The following TRIM37 variants were observed in gnomAD, a reference collection of about 807,000 sequenced individuals.
TRIM37 encodes the protein tripartite motif containing 37.
TRIM37 carries 80 observed loss-of-function variants against 129.8 expected under a neutral mutation model. That is an observed-to-expected ratio of 0.62 (90% CI 0.51 to 0.74). The LOEUF (loss-of-function observed/expected upper bound fraction) is 0.74, where lower values mean the gene tolerates loss of function less well. Among genes scored for constraint, TRIM37 ranks in the 30% least tolerant of loss-of-function variants. The pLI, the probability that TRIM37 is intolerant of heterozygous loss-of-function variation, is 0.00. For synonymous variants in TRIM37, 389 were observed against 387.1 expected, an observed-to-expected ratio of 1.00 and a Z score of -0.06; for missense variants, 1,054 against 1,176.5, an observed-to-expected ratio of 0.90 and a Z score of 1.52.
downstream of TRIM37, among the ~76,000 whole-genome samples, chr17:58,978,516 G>A (rs926348077): frequency 1.3e-5 from 2 of 152,060 alleles, no homozygotes; most frequent in Non-Finnish European, 2.9e-5. Flanking sequence ...TTCGACGCCA[G>A]CCTGGCCAAT....
chr17:59,009,448 T>C (rs1159106144), intron 22 of TRIM37, among the ~76,000 whole-genome samples: 61 of 146,968 alleles, frequency 4.2e-4, no homozygotes, highest in South Asian at 6.4e-4. Context: ...CTTTTCTTTT[T>C]TTTTTTTTTT....
downstream of TRIM37, chr17:58,980,791 G>A (rs139762980): frequency 2.0e-5 from 33 of 1,614,068 alleles, no homozygotes; most frequent in Non-Finnish European, 2.8e-5. This position sits in a 1 kb window ranked among gnomAD's most constrained non-coding sequence, Gnocchi z 4.7. Flanking sequence ...ACTACTCAAA[G>A]AAGTGGCACA....
At chr17:58,972,960 C>A in the TRIM37 span, 2 of 1,469,016 alleles carry the variant, frequency 1.4e-6, no homozygotes, top group South Asian at 1.1e-5. Flanking sequence ...TCCAAACTGT[C>A]CTCTTCTAGC....
At position 58,999,302 on chromosome 17, in the gene TRIM37, T is replaced by G; in HGVS notation, c.*75A>C. On this transcript the variant is annotated 3_prime_UTR_variant, in exon 24 of 24. Transcript: ENST00000262294. ...AGACCAAATCTGATTATCTGACTGA[T>G]GACAAATTTGAGCACCAACTACAGC... 1 of 1,611,052 alleles carries G rather than the reference T, an allele frequency of 6.2e-7. No individual in the cohort carries two copies. The highest frequency in any genetic ancestry group is 8.5e-7 in the Non-Finnish European group (1 of 1,178,688).
chr17:59,071,134 G>C (rs2042324570), intron 8 of TRIM37, among the ~76,000 whole-genome samples, 187 bp from the exon 9 acceptor site: 1 of 152,090 alleles, frequency 6.6e-6, no homozygotes, highest in African/African-American at 2.4e-5. Context: ...TAACAGTAAA[G>C]TCAATGAATA....
At chr17:59,055,097 G>C (rs1401848530) in intron 13 of TRIM37, among the ~76,000 whole-genome samples, 1 of 151,782 alleles carries the variant, frequency 6.6e-6, no homozygotes, top group Non-Finnish European at 1.5e-5. Flanking sequence ...AGCACTATGG[G>C]AGGCCGAAGT....
the TRIM37 span, chr17:58,969,678 G>C: frequency 6.2e-7 from 1 of 1,614,184 alleles, no homozygotes; most frequent in South Asian, 1.1e-5. Flanking sequence ...GCCCTGTGCA[G>C]GGCCTTCCGG....
At position 59,019,700 on chromosome 17, in the gene TRIM37, T is replaced by TC. The variant is rs1333184475; in HGVS notation, c.2258-2277dup. On this transcript the variant is annotated intron_variant, in intron 19 of 23. Coordinates refer to ENST00000262294, the MANE Select transcript of TRIM37 (RefSeq NM_015294.6). ...TCCAGCCTGGGTAACAGGGAGAGAC[T>TC]CCGTCTCAAAAAAAAAAAAGTCCAG... Among the ~76,000 whole-genome samples the TC allele has an allele frequency of 3.3e-5, 5 of 150,016 alleles. No individual in the cohort carries two copies. The East Asian group carries it at 9.8e-4, about 29-fold the overall frequency.
intron 17 of TRIM37, among the ~76,000 whole-genome samples, chr17:59,041,603 G>T (rs889801504): frequency 1.3e-5 from 2 of 152,158 alleles, no homozygotes; most frequent in Non-Finnish European, 2.9e-5. Flanking sequence ...TTCTCACAGT[G>T]CCTGGTACAT....
chr17:59,024,975 G>A (rs1171984086), intron 19 of TRIM37, among the ~76,000 whole-genome samples: 1 of 152,132 alleles, frequency 6.6e-6, no homozygotes, highest in Non-Finnish European at 1.5e-5. Flanking sequence ...AACTACAGTA[G>A]TTAAAAAAAG....
At chr17:59,103,868 G>C (rs961869188) in intron 2 of TRIM37, among the ~76,000 whole-genome samples, 2 of 151,914 alleles carry the variant, frequency 1.3e-5, no homozygotes, top group Non-Finnish European at 2.9e-5. Context: ...GGATGGTCTC[G>C]ATCTCTTGAC....
At chr17:59,073,118 T>C (rs757336794) in intron 8 of TRIM37, 2 of 152,234 alleles carry the variant, frequency 1.3e-5, no homozygotes, top group Middle Eastern at 3.2e-3. Context: ...CTTGACACCA[T>C]TTCTTCCAAA....
chr17:59,100,515 C>T (rs1354964638), intron 2 of TRIM37, among the ~76,000 whole-genome samples: 1 of 152,086 alleles, frequency 6.6e-6, no homozygotes, highest in Non-Finnish European at 1.5e-5. Context: ...TATAAAATTC[C>T]AAAACATGCA....
intron 1 of TRIM37, chr17:59,104,608 G>T (rs986040986): frequency 1.9e-5 from 13 of 679,916 alleles, no homozygotes; most frequent in Non-Finnish European, 2.7e-5. Context: ...CTATTCTAAG[G>T]AAAATATAGG....
chr17:59,058,833 C>T (rs947990783), intron 12 of TRIM37, among the ~76,000 whole-genome samples: 3 of 152,198 alleles, frequency 2.0e-5, no homozygotes, highest in African/African-American at 7.2e-5. Context: ...CACTGTGCTC[C>T]AGCCTCAGTG....
chr17:59,008,566 T>C (rs1281849311), intron 22 of TRIM37, among the ~76,000 whole-genome samples: 1 of 152,138 alleles, frequency 6.6e-6, no homozygotes, highest in Non-Finnish European at 1.5e-5. Flanking sequence ...AAATTAGTGC[T>C]GAGATAATGT....
intron 23 of TRIM37, among the ~76,000 whole-genome samples, chr17:59,000,283 G>C (rs532560746): frequency 1.8e-4 from 27 of 152,240 alleles, no homozygotes; most frequent in African/African-American, 6.5e-4. Flanking sequence ...AGTGAAAAAA[G>C]CAGAATAAAA....
rs1408737227 is a variant in TRIM37 at position 59,042,894 on chromosome 17, C to G, written c.1668-996G>C. Among the ~76,000 whole-genome samples, 5 of 152,086 alleles carry G rather than the reference C, an allele frequency of 3.3e-5. No homozygotes were observed. In the East Asian group the frequency reaches 7.7e-4, roughly 23 times the overall value. On this transcript the variant is annotated intron_variant, in intron 16 of 23. Transcript: ENST00000262294. ...CCACTATTAGAAGAGATTAATCTCTCCTATTTAATTAGTGTTAGAAACACT... is the reference window on the plus strand; with the variant it reads ...CCACTATTAGAAGAGATTAATCTCTGCTATTTAATTAGTGTTAGAAACACT...
Position 59,106,781 on chromosome 17 carries a change from T to C in TRIM37, c.-320A>G, listed in dbSNP as rs917209839. 17 of 545,734 alleles carry C rather than the reference T, an allele frequency of 3.1e-5. No individual in the cohort carries two copies. The Middle Eastern group carries it at 1.5e-3, about 47-fold the overall frequency. The allele number at this position is 545,734 out of a possible 1,614,324, so 33.8% of individuals were successfully genotyped here. A position where few individuals can be genotyped will look rare whatever the true frequency, so the allele number is the denominator to read the frequency against. The stretch of plus-strand genomic sequence containing the variant: ...CCCACGTGACGCGGGCGCGCGCCTA[T>C]GGAACTGACGGTGGAGTTCAGCGAA... On this transcript the variant is annotated 5_prime_UTR_variant, in exon 1 of 24. Coordinates refer to ENST00000262294, the MANE Select transcript of TRIM37 (RefSeq NM_015294.6).
Sources: allele counts gnomAD v4.1 joint callset (sites outside exome capture counted in the v4.1 genomes callset), GRCh38; gene constraint gnomAD v4.1.1; non-coding constraint Gnocchi (gnomAD v3.1); transcripts MANE v1.5; gene names NCBI Gene and HGNC (gene_info 2026-07-23, HGNC 2026-07-21).